Variants in CCT3 observed in about 807,000 individuals in gnomAD.
CCT3 encodes chaperonin containing TCP1 subunit 3.
Under a neutral mutation model 65.3 loss-of-function variants are expected in CCT3, and 10 were observed. That is an observed-to-expected ratio of 0.15 (90% CI 0.09 to 0.26). The LOEUF is 0.26. CCT3 is among the 10% of genes least tolerant of loss of function. The pLI, the probability that CCT3 is intolerant of heterozygous loss-of-function variation, is 1.00. For synonymous variants in CCT3, 225 were observed against 242.3 expected (o/e 0.93, Z 0.66); for missense variants, 626 against 708.7 (o/e 0.88, Z 1.33).
chr1:156,316,314 A>G (rs1664311495), intron 10 of CCT3, among the ~76,000 whole-genome samples: 1 of 152,184 alleles, frequency 6.6e-6, no homozygotes. Context: ...AAGCATCCAC[A>G]AACTTTAGTA....
intron 5 of CCT3, among the ~76,000 whole-genome samples, chr1:156,331,208 G>A (rs1665083797): frequency 6.6e-6 from 1 of 151,992 alleles, no homozygotes; most frequent in South Asian, 2.1e-4. Context: ...TCTAGCCTGG[G>A]TGACACAGCA....
intron 8 of CCT3, among the ~76,000 whole-genome samples, chr1:156,317,837 T>A (rs1570918897): frequency 6.6e-6 from 1 of 151,842 alleles, no homozygotes; most frequent in East Asian, 1.9e-4. Flanking sequence ...GCCTCCCGAG[T>A]AGCTGGGACT....
intron 6 of CCT3, among the ~76,000 whole-genome samples, chr1:156,323,881 G>GC (rs745492427): frequency 2.4e-4 from 37 of 152,062 alleles, no homozygotes; most frequent in Middle Eastern, 3.4e-3. Context: ...TCCTGCTTCA[G>GC]CCCCCCGAGT....
Position 156,329,456 on chromosome 1 carries a change from C to T in CCT3, c.304+4091G>A, listed in dbSNP as rs371359773. The stretch of plus-strand genomic sequence containing the variant: ...GAGTAGCTGGGACTACAGGCACGCG[C>T]CACCATGCCCAGCTCATTTTTTGTA... On this transcript the variant is annotated intron_variant, in intron 5 of 13. Coordinates refer to ENST00000295688, the MANE Select transcript of CCT3 (RefSeq NM_005998.5). Among the ~76,000 whole-genome samples, 111 of 151,984 alleles carry T rather than the reference C, an allele frequency of 7.3e-4. 1 individual carries two copies. Among genetic ancestry groups the T allele is most frequent in the African/African-American group, 2.6e-3 (108 of 41,492 alleles).
At chr1:156,319,110 T>G (rs1423374327) in intron 7 of CCT3, 93 bp from the exon 8 acceptor site, 1 of 1,201,478 alleles carries the variant, frequency 8.3e-7, no homozygotes, top group Non-Finnish European at 1.1e-6. Context: ...CAGCTAGTGT[T>G]TCAGGTTTTT....
chr1:156,326,290 T>C (rs1387977604), intron 5 of CCT3, among the ~76,000 whole-genome samples: 1 of 151,976 alleles, frequency 6.6e-6, no homozygotes, highest in Admixed American at 6.6e-5. Flanking sequence ...GATCACACTA[T>C]TGCACTCCAG....
At chr1:156,312,996 G>C (rs1034514522) in intron 10 of CCT3, among the ~76,000 whole-genome samples, 1 of 152,156 alleles carries the variant, frequency 6.6e-6, no homozygotes, top group African/African-American at 2.4e-5. Context: ...AAGATAGCAG[G>C]AAACAGCTTC....
At chr1:156,337,337 G>A in intron 1 of CCT3, 1 of 260,576 alleles carries the variant, frequency 3.8e-6, no homozygotes, top group Non-Finnish European at 7.6e-6. Context: ...GAACCTGGGA[G>A]GCAGAGGTTG....
chr1:156,318,778 G>A lies in CCT3; in HGVS notation c.759+90C>T, dbSNP rs1384880809. On this transcript the variant is annotated intron_variant, in intron 8 of 13. Transcript: ENST00000295688. The stretch of plus-strand genomic sequence containing the variant: ...TCAGTGTACACTATGCACCCAGAAG[G>A]CATGCAATAAACATACGTTTTATTT... 2.4e-6 allele frequency: 3 copies of A among 1,257,198 alleles called. No individual in the cohort carries two copies. The Admixed American group carries it at 6.0e-5, about 25-fold the overall frequency. The allele number at this position is 1,257,198 out of a possible 1,614,324, so 77.9% of individuals were successfully genotyped here.
intron 5 of CCT3, among the ~76,000 whole-genome samples, chr1:156,327,788 A>C (rs1268035164): frequency 7.4e-6 from 1 of 134,954 alleles, no homozygotes; most frequent in African/African-American, 2.8e-5. Flanking sequence ...CTGGCTGCCC[A>C]GTCTGGAAAG....
rs1665547870 is a variant in CCT3, at chr1:156,338,249, G to GAA, written c.-67_-66dup. Reference sequence around the variant, plus strand: ...ACCGGCAGAACCTTCTGGAGAGAGAGAACCAGACAGAAGCCCAGAAAACGC... The same window carrying GAA: ...ACCGGCAGAACCTTCTGGAGAGAGAGAAAACCAGACAGAAGCCCAGAAAACGC... On this transcript the variant is annotated 5_prime_UTR_variant, in exon 1 of 14. Transcript: ENST00000295688. The GAA allele has an allele frequency of 7.6e-7, 1 of 1,316,820 alleles. No homozygotes were observed. Among genetic ancestry groups the GAA allele is most frequent in the East Asian group, 2.4e-5 (1 of 40,834 alleles). 81.6% of individuals were successfully genotyped at this position (1,316,820 alleles called of 1,614,324 possible). A position where few individuals can be genotyped will look rare whatever the true frequency, so the allele number is the denominator to read the frequency against.
intron 6 of CCT3, among the ~76,000 whole-genome samples, chr1:156,324,759 C>G (rs1177190884): frequency 6.6e-6 from 1 of 152,040 alleles, no homozygotes; most frequent in Non-Finnish European, 1.5e-5. Context: ...TCCCAAGTAG[C>G]TGGGACGACA....
intron 8 of CCT3, among the ~76,000 whole-genome samples, 192 bp downstream of exon 8, chr1:156,318,676 C>T (rs918392746): frequency 2.0e-5 from 3 of 152,130 alleles, no homozygotes; most frequent in African/African-American, 7.2e-5. Flanking sequence ...AGCAATTAAC[C>T]TAACTTGTTT....
Position 156,325,078 on chromosome 1 carries a change from G to T in CCT3, c.316C>A (p.Leu106Met). ...TSVIILAGEM[L>M]SVAEHFLEQQ... ...TCCAGGAAGTGCTCAGCTACAGACA[G>T]CATTTCCCCTGCTGAAAAAGATACA... The change falls in exon 6 of 14, where the codon CTG (leucine) becomes ATG (methionine). Residue 106 changes from leucine (L) to methionine (M), a missense_variant. Coordinates refer to ENST00000295688, the MANE Select transcript of CCT3 (RefSeq NM_005998.5). The T allele has an allele frequency of 6.2e-7, 1 of 1,610,364 alleles. No individual in the cohort carries two copies.
At chr1:156,328,511 A>G (rs1347537407) in intron 5 of CCT3, among the ~76,000 whole-genome samples, 1 of 151,996 alleles carries the variant, frequency 6.6e-6, no homozygotes, top group East Asian at 1.9e-4. Context: ...GTTCTGTACT[A>G]AGAAAAATTC....
Position 156,333,468 on chromosome 1 carries a change from G to C in CCT3, c.304+79C>G. Reference sequence around the variant, plus strand: ...TTAAATATCTGTAATTAGTGGATCTGTAACAGAATTTCCTTCTTAAAATAT... The same window carrying C: ...TTAAATATCTGTAATTAGTGGATCTCTAACAGAATTTCCTTCTTAAAATAT... On this transcript the variant is annotated intron_variant, in intron 5 of 13. Transcript: ENST00000295688. The C allele has an allele frequency of 3.0e-6, 3 of 994,090 alleles. No homozygotes were observed. The Admixed American group carries it at 5.3e-5, about 17-fold the overall frequency. 61.6% of individuals were successfully genotyped at this position (994,090 alleles called of 1,614,324 possible). A position where few individuals can be genotyped will look rare whatever the true frequency, so the allele number is the denominator to read the frequency against.
intron 10 of CCT3, among the ~76,000 whole-genome samples, chr1:156,314,779 C>T (rs1664238913): frequency 6.6e-6 from 1 of 152,100 alleles, no homozygotes; most frequent in South Asian, 2.1e-4. Context: ...ACGACTGCTT[C>T]CAAAGCAGTG....
At chr1:156,332,503 T>C (rs1366212446) in intron 5 of CCT3, 2 of 152,356 alleles carry the variant, frequency 1.3e-5, no homozygotes, top group Non-Finnish European at 2.9e-5. Flanking sequence ...TTATTATTTG[T>C]AACCCCAAAA....
chr1:156,331,538 C>T (rs886824085), intron 5 of CCT3, among the ~76,000 whole-genome samples: 1 of 151,800 alleles, frequency 6.6e-6, no homozygotes, highest in Non-Finnish European at 1.5e-5. Flanking sequence ...CAAAAATCAG[C>T]CAGGCGTGGT....
Sources: allele counts gnomAD v4.1 joint callset (sites outside exome capture counted in the v4.1 genomes callset), GRCh38; gene constraint gnomAD v4.1.1; transcripts MANE v1.5; gene names NCBI Gene and HGNC (gene_info 2026-07-23, HGNC 2026-07-21).